IL1RAPL1: variants seen among roughly 807,000 people sequenced by gnomAD.
IL1RAPL1 encodes interleukin 1 receptor accessory protein like 1, also known as interleukin-1 receptor accessory protein-like 1.
A neutral mutation model predicts 48.4 loss-of-function variants in IL1RAPL1; 3 were observed. That is an observed-to-expected ratio of 0.06 (90% CI 0.03 to 0.16). IL1RAPL1 has a LOEUF of 0.16. Ranked by LOEUF, IL1RAPL1 falls within the 10% of genes least tolerant of loss-of-function variation. The probability of loss-of-function intolerance (pLI) is 1.00; values close to 1 mark genes in which losing one functional copy is unlikely to be tolerated. For synonymous variants in IL1RAPL1, 185 were observed against 187.7 expected (o/e 0.99, Z 0.12); for missense variants, 349 against 530.6 (o/e 0.66, Z 3.36).
intron 2 of IL1RAPL1, among the ~76,000 whole-genome samples, chrX:29,105,374 G>T (rs1416043561): frequency 8.9e-6 from 1 of 111,932 alleles, no homozygotes; most frequent in Non-Finnish European, 1.9e-5. Flanking sequence ...AGTAAGGAAT[G>T]AAACTTTACA....
intron 5 of IL1RAPL1, among the ~76,000 whole-genome samples, chrX:29,616,529 T>A (rs1924294457): frequency 1.0e-5 from 1 of 97,222 alleles, no homozygotes; most frequent in Non-Finnish European, 2.1e-5. Context: ...CCTTCCCGTG[T>A]CCATGTGTTC....
At chrX:28,751,797 G>A (rs748080333) in intron 1 of IL1RAPL1, among the ~76,000 whole-genome samples, 8 of 111,915 alleles carry the variant, frequency 7.1e-5, no homozygotes, top group East Asian at 5.6e-4. Flanking sequence ...ATTCATCTGT[G>A]CAGGCCTAAC....
At chrX:29,192,813 A>T (rs1041257529) in intron 2 of IL1RAPL1, among the ~76,000 whole-genome samples, 2 of 111,531 alleles carry the variant, frequency 1.8e-5, no homozygotes, top group Non-Finnish European at 3.8e-5. Context: ...GTGTGAATAT[A>T]TTATGGTTAT....
chrX:29,031,652 G>A (rs1022573329), intron 2 of IL1RAPL1, among the ~76,000 whole-genome samples: 2 of 111,640 alleles, frequency 1.8e-5, no homozygotes, highest in African/African-American at 6.5e-5. Flanking sequence ...ATTTCCTCAT[G>A]GATAATTTGT....
intron 2 of IL1RAPL1, among the ~76,000 whole-genome samples, chrX:28,856,270 G>A (rs1921803315): frequency 9.0e-6 from 1 of 111,303 alleles, no homozygotes; most frequent in Non-Finnish European, 1.9e-5. Context: ...TAAACTTCCA[G>A]GTAGAATTCA....
At chrX:29,384,806 ATAGACATT>A (rs1216551337) in intron 3 of IL1RAPL1, among the ~76,000 whole-genome samples, 1 of 112,020 alleles carries the variant, frequency 8.9e-6, no homozygotes, top group African/African-American at 3.2e-5. Flanking sequence ...GGCATAATAA[ATAGACATT>A]TGAATATATA....
At chrX:29,065,113 A>G (rs1927426700) in intron 2 of IL1RAPL1, among the ~76,000 whole-genome samples, 1 of 109,624 alleles carries the variant, frequency 9.1e-6, no homozygotes. Flanking sequence ...TGTTTTATAC[A>G]GTTGACTTTG....
chrX:29,941,772 T>G lies in IL1RAPL1; in HGVS notation c.1179T>G (p.Phe393Leu). The change falls in exon 9 of 11, where the codon TTT (phenylalanine) becomes TTG (leucine). Residue 393 changes from phenylalanine (F) to leucine (L), a missense_variant. This residue lies in a region of IL1RAPL1 where 238 missense variants were observed against 337.8 expected (regional missense o/e 0.70). Coordinates refer to ENST00000378993, the MANE Select transcript of IL1RAPL1 (RefSeq NM_014271.4). The stretch of plus-strand genomic sequence containing the variant: ...TCATGCTCTTCTACAGGAATCATTT[T>G]GGAGCTGAAGAGCTCGATGGAGGTA... ...IEIMLFYRNHFGAEELDGDNK... is the reference protein window; with the variant it reads ...IEIMLFYRNHLGAEELDGDNK... 1 of 1,209,581 alleles carries G rather than the reference T, an allele frequency of 8.3e-7. No individual in the cohort carries two copies. Among genetic ancestry groups the G allele is most frequent in the Non-Finnish European group, 1.1e-6 (1 of 893,391 alleles).
At chrX:29,129,588 ATT>A (rs754196116) in intron 2 of IL1RAPL1, among the ~76,000 whole-genome samples, 3 of 59,870 alleles carry the variant, frequency 5.0e-5, no homozygotes, top group African/African-American at 2.1e-4. Context: ...AATAATGTAA[ATT>A]TTTTTTTTTT....
intron 2 of IL1RAPL1, among the ~76,000 whole-genome samples, chrX:29,127,961 C>CA (rs1928933578): frequency 1.3e-5 from 1 of 75,531 alleles, no homozygotes; most frequent in Non-Finnish European, 3.0e-5. Flanking sequence ...GAGACTCGAT[C>CA]TAAAAAAAAA....
At chrX:29,848,538 T>C (rs1931295227) in intron 6 of IL1RAPL1, among the ~76,000 whole-genome samples, 2 of 111,613 alleles carry the variant, frequency 1.8e-5, no homozygotes, top group South Asian at 3.8e-4. Context: ...TAGTAACTCA[T>C]TGGATGCAGG....
chrX:29,608,361 A>C (rs1016564439), intron 5 of IL1RAPL1, among the ~76,000 whole-genome samples: 2 of 107,597 alleles, frequency 1.9e-5, no homozygotes, highest in Non-Finnish European at 3.8e-5. Context: ...GAGATAAAGT[A>C]GGTATTACCA....
intron 1 of IL1RAPL1, among the ~76,000 whole-genome samples, chrX:28,733,074 G>A (rs773431910): frequency 3.5e-3 from 387 of 109,166 alleles, no homozygotes; most frequent in African/African-American, 0.013. Flanking sequence ...TAGAGTGGTT[G>A]TAACAATTTA....
intron 6 of IL1RAPL1, among the ~76,000 whole-genome samples, chrX:29,817,072 G>A: frequency 9.0e-6 from 1 of 110,815 alleles, no homozygotes; most frequent in Middle Eastern, 4.6e-3. Context: ...TTTACTTTGA[G>A]AAACTTAAAA....
intron 2 of IL1RAPL1, among the ~76,000 whole-genome samples, chrX:29,243,799 T>A (rs2147567704): frequency 8.9e-6 from 1 of 111,981 alleles, no homozygotes; most frequent in South Asian, 3.7e-4. Context: ...GGGACTGTAC[T>A]GAGTTTCACC....
chrX:29,360,525 A>T (rs529456382), intron 3 of IL1RAPL1, among the ~76,000 whole-genome samples: 2 of 112,191 alleles, frequency 1.8e-5, no homozygotes, highest in African/African-American at 6.5e-5. Context: ...TTAAATCCAG[A>T]TTGGTTATAA....
At chrX:29,698,175 T>C (rs1240398058) in intron 6 of IL1RAPL1, among the ~76,000 whole-genome samples, 1 of 106,464 alleles carries the variant, frequency 9.4e-6, no homozygotes, top group African/African-American at 3.4e-5. Flanking sequence ...AATGTTCTTT[T>C]TTTTTTTTTT....
At chrX:28,878,903 G>A (rs1036788535) in intron 2 of IL1RAPL1, among the ~76,000 whole-genome samples, 3 of 111,364 alleles carry the variant, frequency 2.7e-5, no homozygotes, top group Non-Finnish European at 3.8e-5. Context: ...TTATTATCCA[G>A]TTTTAGGTGT....
intron 2 of IL1RAPL1, among the ~76,000 whole-genome samples, chrX:28,939,404 C>T (rs1924107393): frequency 9.0e-6 from 1 of 110,844 alleles, no homozygotes; most frequent in Non-Finnish European, 1.9e-5. Context: ...AGATGAAGGC[C>T]ATTATCCTTA....
Sources: gnomAD v4.1 joint callset for allele counts (sites outside exome capture counted in the v4.1 genomes callset) on GRCh38, gnomAD v4.1.1 for gene constraint, gnomAD v4.1.1 regional missense constraint, MANE v1.5 for transcripts, NCBI Gene and HGNC (gene_info 2026-07-23, HGNC 2026-07-21) for gene names.